Variants in TMEM200C observed in about 807,000 individuals in gnomAD.
TMEM200C encodes transmembrane protein 200C.
For missense variants in TMEM200C, 966 were observed against 699.9 expected (o/e 1.38, Z -4.29); for synonymous variants, 462 against 324.7 (o/e 1.42, Z -4.55).
At position 5,891,735 on chromosome 18, in the gene TMEM200C, T is replaced by C. The variant is rs2144453366; in HGVS notation, c.329A>G (p.Lys110Arg). The C allele has an allele frequency of 6.2e-7, 1 of 1,612,510 alleles. No individual in the cohort carries two copies. The highest frequency in any genetic ancestry group is 2.2e-5 in the East Asian group (1 of 44,816). The change falls in exon 3 of 3, where the codon AAA becomes AGA. Residue 110 changes from lysine to arginine, a missense_variant. Transcript: ENST00000581347. The surrounding 1 kb of genome is among the most constrained non-coding windows in gnomAD (Gnocchi z 4.7). ...CCTAGGGTGGCTCCTGGACCGGTTT[T>C]TGCTGCCACTGCTACTGCTGTTGGC...
chr18:5,892,018 C>A, exon 3 of TMEM200C: 1 of 1,613,888 alleles, frequency 6.2e-7, no homozygotes, highest in African/African-American at 1.3e-5. Flanking sequence ...CGGAGTGGAT[C>A]CTGCTTTCTG....
chr18:5,894,821 G>A (rs1296849247), intron 2 of TMEM200C, among the ~76,000 whole-genome samples: 3 of 152,230 alleles, frequency 2.0e-5, no homozygotes, highest in African/African-American at 7.2e-5. Context: ...AAAGAAGACA[G>A]GCAGGAGCCA....
At chr18:5,892,738 T>C (rs796389139) in intron 2 of TMEM200C, among the ~76,000 whole-genome samples, 14 of 152,332 alleles carry the variant, frequency 9.2e-5, no homozygotes, top group Middle Eastern at 3.4e-3. Context: ...TCAAAGGTCA[T>C]ATAATGGCAG....
chr18:5,889,145 C>T (rs1390470970), exon 3 of TMEM200C: 2 of 152,196 alleles, frequency 1.3e-5, no homozygotes, highest in African/African-American at 2.4e-5. Flanking sequence ...GAATATTAAG[C>T]CTGGTGCTCT....
At chr18:5,893,849 G>C (rs1297377799) in intron 2 of TMEM200C, among the ~76,000 whole-genome samples, 1 of 152,118 alleles carries the variant, frequency 6.6e-6, no homozygotes, top group African/African-American at 2.4e-5. Context: ...GATAAGAGAG[G>C]GGTCAGTATA....
chr18:5,887,782 T>G (rs1158954797), exon 3 of TMEM200C: 1 of 152,240 alleles, frequency 6.6e-6, no homozygotes, highest in African/African-American at 2.4e-5. Context: ...AAGTTACGAT[T>G]GTGAATTACT....
chr18:5,890,168 T>C (rs1303059962), exon 3 of TMEM200C: 1 of 1,489,540 alleles, frequency 6.7e-7, no homozygotes, highest in Non-Finnish European at 9.0e-7. Flanking sequence ...TCCCATTTTC[T>C]CTTTCCTCCT....
Position 5,891,963 on chromosome 18 carries a change from C to T in TMEM200C, c.101G>A (p.Arg34Lys). The T allele has an allele frequency of 1.2e-6, 2 of 1,613,994 alleles. No individual in the cohort carries two copies. The highest frequency in any genetic ancestry group is 1.6e-4 in the Middle Eastern group (1 of 6,062). The change falls in exon 3 of 3, where the codon AGG becomes AAG. Residue 34 changes from arginine (R) to lysine (K), a missense_variant. By Grantham distance (26) the Arg-to-Lys change is conservative. Coordinates refer to ENST00000581347, the Ensembl canonical transcript of TMEM200C. The surrounding 1 kb of genome is among the most constrained non-coding windows in gnomAD (Gnocchi z 4.7). ...CACCACCACCACGTCGTTCTTGCGC[C>T]TCTTCTTGGCTTTCCGCTTGCGCTT...
exon 3 of TMEM200C, chr18:5,887,305 G>T (rs1189126985): frequency 6.6e-6 from 1 of 152,072 alleles, no homozygotes; most frequent in African/African-American, 2.4e-5. Context: ...CTTATTTATT[G>T]TGTACAAAAA....
At position 5,891,684 on chromosome 18, in the gene TMEM200C, G is replaced by A; in HGVS notation, c.380C>T (p.Ser127Phe). The change falls in exon 3 of 3, where the codon TCC becomes TTC. Residue 127 changes from serine (S) to phenylalanine (F), a missense_variant. Transcript: ENST00000581347. The surrounding 1 kb of genome is among the most constrained non-coding windows in gnomAD (Gnocchi z 4.7). Reference sequence around the variant, plus strand: ...AGGCGTGCTCCTGGGCGCGCCCGCGGAACTGGAGTTGACACCCCCTGGAGC... The same window carrying A: ...AGGCGTGCTCCTGGGCGCGCCCGCGAAACTGGAGTTGACACCCCCTGGAGC... 1 of 1,613,718 alleles carries A rather than the reference G, an allele frequency of 6.2e-7. No individual in the cohort carries two copies. Among genetic ancestry groups the A allele is most frequent in the Non-Finnish European group, 8.5e-7 (1 of 1,179,856 alleles).
At chr18:5,886,822 A>G (rs1041932066) in exon 3 of TMEM200C, 1 of 152,154 alleles carries the variant, frequency 6.6e-6, no homozygotes, top group African/African-American at 2.4e-5. Context: ...CCACTATGCT[A>G]TGTTGCCTTA....
exon 3 of TMEM200C, chr18:5,890,399 A>G (rs547495248): frequency 6.3e-7 from 1 of 1,579,506 alleles, no homozygotes; most frequent in Non-Finnish European, 8.6e-7. Flanking sequence ...GCGTTTGACC[A>G]GCTACTGCGT....
chr18:5,891,289 G>A lies in TMEM200C; in HGVS notation c.775C>T (p.Leu259=). 1.4e-6 allele frequency: 2 copies of A among 1,415,228 alleles called. No individual in the cohort carries two copies. Among genetic ancestry groups the A allele is most frequent in the Non-Finnish European group, 1.9e-6 (2 of 1,079,514 alleles). 87.7% of individuals were successfully genotyped at this position (1,415,228 alleles called of 1,614,324 possible). ...CCGCAGCCCCCGGGCTTCAGCTCCA[G>A]GCCCCGCGACTGCACGTAGCTGAGG... The change falls in exon 3 of 3, where the codon CTG becomes TTG. Residue 259 remains leucine (L), a synonymous_variant. Transcript: ENST00000581347. This position sits in a 1 kb window ranked among gnomAD's most constrained non-coding sequence, Gnocchi z 4.7.
chr18:5,887,992 G>A (rs559097100), exon 3 of TMEM200C: 49 of 152,288 alleles, frequency 3.2e-4, no homozygotes, highest in African/African-American at 1.1e-3. Context: ...TAAGCTAAGA[G>A]GTATTAGCTT....
At chr18:5,887,985 G>A (rs1046407390) in exon 3 of TMEM200C, 2 of 152,180 alleles carry the variant, frequency 1.3e-5, no homozygotes, top group African/African-American at 4.8e-5. Context: ...CCTTAGTTAA[G>A]CTAAGAGGTA....
chr18:5,886,197 T>A (rs2095165235), exon 3 of TMEM200C: 1 of 151,692 alleles, frequency 6.6e-6, no homozygotes. Flanking sequence ...AAGAAAAAAA[T>A]TAATATAGAA....
rs2095175791 is a variant in TMEM200C, at chr18:5,895,854, C to T, written c.-546+1G>A. On this transcript the variant is annotated splice_donor_variant, in intron 1 of 2. Transcript: ENST00000581347. LOFTEE classifies it low-confidence loss of function (5UTR_SPLICE). The stretch of plus-strand genomic sequence containing the variant: ...GCTTTGTTCTTCTTTCCTCCAACTA[C>T]CTGTCTGAGCCGCGGGCCCCAGAGG... 1 of 151,798 alleles carries T rather than the reference C, an allele frequency of 6.6e-6. No individual in the cohort carries two copies. The highest frequency in any genetic ancestry group is 6.5e-5 in the Admixed American group (1 of 15,270). 9.4% of individuals were successfully genotyped at this position (151,798 alleles called of 1,614,324 possible).
At chr18:5,893,924 A>G (rs546385389) in intron 2 of TMEM200C, among the ~76,000 whole-genome samples, 12 of 151,900 alleles carry the variant, frequency 7.9e-5, no homozygotes, top group African/African-American at 2.9e-4. Context: ...CAAAAAAAAG[A>G]GCTTACTGTC....
chr18:5,893,251 T>G (rs2095172932), intron 2 of TMEM200C, among the ~76,000 whole-genome samples: 2 of 152,164 alleles, frequency 1.3e-5, no homozygotes, highest in Admixed American at 1.3e-4. Context: ...AATATGATGA[T>G]TTGTAGAATG....
Sources: allele counts gnomAD v4.1 joint callset (sites outside exome capture counted in the v4.1 genomes callset), GRCh38; gene constraint gnomAD v4.1.1; non-coding constraint Gnocchi (gnomAD v3.1); transcripts MANE v1.5; gene names NCBI Gene and HGNC (gene_info 2026-07-23, HGNC 2026-07-21).